The following STX1A variants were observed in gnomAD, a reference collection of about 807,000 sequenced individuals.
The protein encoded by STX1A is syntaxin-1A.
Under a neutral mutation model 37.8 loss-of-function variants are expected in STX1A, and 4 were observed. The observed-to-expected ratio is 0.11, with a 90% CI of 0.05 to 0.24. STX1A has a LOEUF of 0.24. Ranked by LOEUF, STX1A falls within the 10% of genes least tolerant of loss-of-function variation. The probability of loss-of-function intolerance (pLI) is 1.00; values close to 1 mark genes in which losing one functional copy is unlikely to be tolerated. For missense variants in STX1A, 251 were observed against 399.9 expected, an observed-to-expected ratio of 0.63 and a Z score of 3.18; for synonymous variants, 135 against 147.4, an observed-to-expected ratio of 0.92 and a Z score of 0.61.
At chr7:73,713,489 G>C (rs1305558504) in intron 1 of STX1A, among the ~76,000 whole-genome samples, 2 of 152,344 alleles carry the variant, frequency 1.3e-5, no homozygotes, top group East Asian at 3.9e-4. Flanking sequence ...AGCACTTTGG[G>C]AGGCCAAGGT....
Position 73,708,692 on chromosome 7 carries a change from C to A in STX1A, c.109-4G>T. 6.2e-7 allele frequency: 1 copy of A among 1,613,356 alleles called. No homozygotes were observed. Among genetic ancestry groups the A allele is most frequent in the South Asian group, 1.1e-5 (1 of 90,914 alleles). ...TGAAGCCTCGAATCTCCTCCACCTG[C>A]GGACCAAGGCCAGGTGGTCAGGAGA... On this transcript the variant is annotated splice_polypyrimidine_tract_variant and splice_region_variant and intron_variant, in intron 2 of 9. Coordinates refer to ENST00000222812, the MANE Select transcript of STX1A (RefSeq NM_004603.4).
chr7:73,703,120 CGCCTT>C, intron 7 of STX1A, 138 bp from the exon 8 acceptor site: 1 of 725,532 alleles, frequency 1.4e-6, no homozygotes, highest in South Asian at 1.8e-5. Flanking sequence ...CAGCCTTCCC[CGCCTT>C]GCTACCTGGC....
chr7:73,714,520 C>T (rs1799220797), intron 1 of STX1A, among the ~76,000 whole-genome samples: 1 of 152,102 alleles, frequency 6.6e-6, no homozygotes, highest in Non-Finnish European at 1.5e-5. Context: ...CCAGCCTCAG[C>T]CTCCAGAGTA....
At chr7:73,718,411 G>T (rs1364773063) in intron 1 of STX1A, among the ~76,000 whole-genome samples, 1 of 152,130 alleles carries the variant, frequency 6.6e-6, no homozygotes, top group African/African-American at 2.4e-5. Context: ...GGGAGCCTCT[G>T]GGTGGAGAAG....
rs1401337421 is a variant in STX1A at position 73,702,894 on chromosome 7, C to T, written c.629G>A (p.Arg210His). 8.7e-6 allele frequency: 14 copies of T among 1,613,638 alleles called. No homozygotes were observed. Among genetic ancestry groups the T allele is most frequent in the Admixed American group, 3.3e-5 (2 of 60,002 alleles). The change falls in exon 8 of 10, where the codon CGT becomes CAT. Residue 210 changes from arginine (R) to histidine (H), a missense_variant. This residue lies in a region of STX1A where 214 missense variants were observed against 367.6 expected (regional missense o/e 0.58). Transcript: ENST00000222812. The surrounding 1 kb of genome is among the most constrained non-coding windows in gnomAD (Gnocchi z 4.7). ...SEIIKLENSIRELHDMFMDMA... is the reference protein window; with the variant it reads ...SEIIKLENSIHELHDMFMDMA... ...GTCCATGAACATGTCGTGTAGCTCA[C>T]GGATGCTGTTCTCCAGCTTGATGAT...
intron 1 of STX1A, among the ~76,000 whole-genome samples, chr7:73,718,406 C>T (rs186888459): frequency 6.6e-6 from 1 of 152,212 alleles, no homozygotes; most frequent in East Asian, 1.9e-4. Flanking sequence ...ACTCAGGGAG[C>T]CTCTGGGTGG....
chr7:73,710,447 A>G (rs908737105), intron 1 of STX1A, among the ~76,000 whole-genome samples: 8 of 151,920 alleles, frequency 5.3e-5, no homozygotes, highest in Non-Finnish European at 1.2e-4. Flanking sequence ...TTATTTTTTG[A>G]GAGAGTCTCG....
rs782343806 is a variant in STX1A, at chr7:73,703,782, A to T, written c.513T>A (p.Ser171Arg). Residue 171 changes from serine (S) to arginine (R), a missense_variant, in exon 7 of 10, where the codon AGT (serine) becomes AGA (arginine). Transcript: ENST00000222812. ...TSEELEDMLE[S>R]GNPAIFASGI... ...CAGAGGCAAAGATGGCGGGGTTCCCACTCTCCAGCATGTCCTCCAGCTCCT... is the reference window on the plus strand; with the variant it reads ...CAGAGGCAAAGATGGCGGGGTTCCCTCTCTCCAGCATGTCCTCCAGCTCCT... 1.2e-6 allele frequency: 2 copies of T among 1,613,632 alleles called. No individual in the cohort carries two copies. The highest frequency in any genetic ancestry group is 1.7e-6 in the Non-Finnish European group (2 of 1,179,872).
intron 1 of STX1A, among the ~76,000 whole-genome samples, chr7:73,712,983 A>G (rs1554618167): frequency 6.6e-6 from 1 of 152,156 alleles, no homozygotes; most frequent in African/African-American, 2.4e-5. Context: ...ATCTACCTCT[A>G]GTAATACAGC....
chr7:73,699,242 T>C lies in STX1A; in HGVS notation c.*1165A>G, dbSNP rs1798558427. ...ACAAATGTTTATTCTACATAAAAAT[T>C]TCACAAAATGGGCAGCTGGTTGTAC... is the stretch of plus-strand genomic sequence containing the variant. On this transcript the variant is annotated 3_prime_UTR_variant, in exon 10 of 10. Coordinates refer to ENST00000222812, the MANE Select transcript of STX1A (RefSeq NM_004603.4). 1.3e-5 allele frequency: 2 copies of C among 152,606 alleles called. No individual in the cohort carries two copies. The highest frequency in any genetic ancestry group is 1.9e-4 in the East Asian group (1 of 5,188). The allele number at this position is 152,606 out of a possible 1,614,324, so 9.5% of individuals were successfully genotyped here.
At position 73,708,632 on chromosome 7, in the gene STX1A, C is replaced by T; in HGVS notation, c.165G>A (p.Lys55=). Residue 55 remains lysine, a synonymous_variant, in exon 3 of 10, where the codon AAG becomes AAA. Coordinates refer to ENST00000222812, the MANE Select transcript of STX1A (RefSeq NM_004603.4). The part of the protein sequence containing the change: ...DKIAENVEEV[K]RKHSAILASP... ...ATGCCAGGATGGCACTGTGCTTCCG[C>T]TTCACCTCCTCCACGTTCTCTGCGA... is the stretch of plus-strand genomic sequence containing the variant. 1 of 1,614,214 alleles carries T rather than the reference C, an allele frequency of 6.2e-7. No individual in the cohort carries two copies. The highest frequency in any genetic ancestry group is 8.5e-7 in the Non-Finnish European group (1 of 1,180,028).
intron 1 of STX1A, among the ~76,000 whole-genome samples, chr7:73,718,818 C>T (rs1799385408): frequency 6.6e-6 from 1 of 152,032 alleles, no homozygotes; most frequent in African/African-American, 2.4e-5. Context: ...CAAACCCCGC[C>T]CCAGGAGCCA....
At chr7:73,701,988 C>A (rs1798676388) in intron 8 of STX1A, among the ~76,000 whole-genome samples, 1 of 152,214 alleles carries the variant, frequency 6.6e-6, no homozygotes, top group African/African-American at 2.4e-5. Flanking sequence ...AATTCCCCAG[C>A]ACACTGCCTG....
Position 73,704,919 on chromosome 7 carries a change from T to C in STX1A, c.283+231A>G, listed in dbSNP as rs530671530. ...GGTGAGGGGCAGTGCCCATCCAGAG[T>C]GGAGCCCTCCCTCGCCAAAGCCTTA... On this transcript the variant is annotated intron_variant, in intron 4 of 9. Transcript: ENST00000222812. The C allele has an allele frequency of 3.1e-4, 183 of 597,714 alleles. 1 individual carries two copies. The highest frequency in any genetic ancestry group is 2.6e-3 in the African/African-American group (142 of 53,890). The allele number at this position is 597,714 out of a possible 1,614,324, so 37.0% of individuals were successfully genotyped here. A position where few individuals can be genotyped will look rare whatever the true frequency, so the allele number is the denominator to read the frequency against.
chr7:73,702,716 G>A lies in STX1A; in HGVS notation c.678+129C>T, dbSNP rs562962567. 1.8e-4 allele frequency: 271 copies of A among 1,547,436 alleles called. 1 individual carries two copies. The East Asian group carries it at 5.9e-3, about 34-fold the overall frequency. On this transcript the variant is annotated intron_variant, in intron 8 of 9. Coordinates refer to ENST00000222812, the MANE Select transcript of STX1A (RefSeq NM_004603.4). This position sits in a 1 kb window ranked among gnomAD's most constrained non-coding sequence, Gnocchi z 4.7. Reference sequence around the variant, plus strand: ...GGGCCCTGGCGGCAGTTTCAACAGCGGGTGATTGGTTACCTGAGAACTTGG... The same window carrying A: ...GGGCCCTGGCGGCAGTTTCAACAGCAGGTGATTGGTTACCTGAGAACTTGG...
At chr7:73,712,271 A>C in intron 1 of STX1A, among the ~76,000 whole-genome samples, 1 of 149,632 alleles carries the variant, frequency 6.7e-6, no homozygotes, top group Non-Finnish European at 1.5e-5. Context: ...GGGAATTTTC[A>C]CCCCCAGCTC....
chr7:73,700,047 C>T lies in STX1A; in HGVS notation c.*360G>A, dbSNP rs4504524. 2 of 354,140 alleles carry T rather than the reference C, an allele frequency of 5.6e-6. No homozygotes were observed. Among genetic ancestry groups the T allele is most frequent in the Non-Finnish European group, 1.1e-5 (2 of 187,462 alleles). The allele number at this position is 354,140 out of a possible 1,614,324, so 21.9% of individuals were successfully genotyped here. On this transcript the variant is annotated 3_prime_UTR_variant, in exon 10 of 10. Transcript: ENST00000222812. The surrounding 1 kb of genome is among the most constrained non-coding windows in gnomAD (Gnocchi z 4.4). ...GAGGACAGGGCAGGTCAGCTGGAGG[C>T]GAGGTTAGGGTCCCCAGGGAAGAGC...
rs1470569967 is a variant in STX1A, at chr7:73,702,812, C to A, written c.678+33G>T. The A allele has an allele frequency of 6.2e-6, 10 of 1,613,588 alleles. No homozygotes were observed. The highest frequency in any genetic ancestry group is 8.5e-6 in the Non-Finnish European group (10 of 1,179,926). On this transcript the variant is annotated intron_variant, in intron 8 of 9. Coordinates refer to ENST00000222812, the MANE Select transcript of STX1A (RefSeq NM_004603.4). The surrounding 1 kb of genome is among the most constrained non-coding windows in gnomAD (Gnocchi z 4.7). ...GTGCAGCCCTGGGTGCTGGTGTGGG[C>A]TGGAGTGGAGGGCAGGGGGGCCCGG...
chr7:73,707,257 G>A (rs1424777833), intron 3 of STX1A, among the ~76,000 whole-genome samples: 1 of 152,192 alleles, frequency 6.6e-6, no homozygotes, highest in African/African-American at 2.4e-5. Context: ...ATCTCAACAG[G>A]AACATGAGGA....
Sources: gnomAD v4.1 joint callset for allele counts (sites outside exome capture counted in the v4.1 genomes callset) on GRCh38, gnomAD v4.1.1 for gene constraint, gnomAD v4.1.1 regional missense constraint, Gnocchi (gnomAD v3.1) non-coding constraint, MANE v1.5 for transcripts, NCBI Gene and HGNC (gene_info 2026-07-23, HGNC 2026-07-21) for gene names.